The following CCSER1 variants were observed in gnomAD, a reference collection of about 807,000 sequenced individuals.
CCSER1 encodes the protein coiled-coil serine rich protein 1.
Under a neutral mutation model 82.0 loss-of-function variants are expected in CCSER1, and 41 were observed. The observed-to-expected ratio is 0.50, with a 90% CI of 0.39 to 0.65. CCSER1 has a LOEUF of 0.65. Ranked by LOEUF, CCSER1 falls within the 30% of genes least tolerant of loss-of-function variation. The pLI is 0.00. For missense variants in CCSER1, 1,119 were observed against 1,064.2 expected, an observed-to-expected ratio of 1.05 and a Z score of -0.72; for synonymous variants, 414 against 383.9, an observed-to-expected ratio of 1.08 and a Z score of -0.92.
At chr4:91,361,363 G>A (rs1749230052) in intron 10 of CCSER1, among the ~76,000 whole-genome samples, 1 of 151,704 alleles carries the variant, frequency 6.6e-6, no homozygotes, top group African/African-American at 2.4e-5. Flanking sequence ...GCATGAGAAA[G>A]CAGAGAAAAA....
intron 1 of CCSER1, among the ~76,000 whole-genome samples, chr4:90,303,321 A>G (rs1733539935): frequency 6.6e-6 from 1 of 152,156 alleles, no homozygotes; most frequent in Admixed American, 6.5e-5. Flanking sequence ...ATATGGAACC[A>G]AAAAAGAGCC....
chr4:91,418,322 AT>A (rs1252976177), intron 10 of CCSER1, among the ~76,000 whole-genome samples: 2 of 150,152 alleles, frequency 1.3e-5, no homozygotes, highest in Non-Finnish European at 3.0e-5. Context: ...AAAAAACAAA[AT>A]TGACAAAACT....
At chr4:91,161,366 G>A (rs985000751) in intron 10 of CCSER1, among the ~76,000 whole-genome samples, 41 of 152,130 alleles carry the variant, frequency 2.7e-4, no homozygotes, top group Non-Finnish European at 5.1e-4. Flanking sequence ...TTTTTGCTTA[G>A]GGTTGTCTTG....
chr4:90,520,427 G>A (rs963732988), intron 5 of CCSER1, among the ~76,000 whole-genome samples: 16 of 152,162 alleles, frequency 1.1e-4, no homozygotes, highest in Admixed American at 3.3e-4. Context: ...GGATGTTAAT[G>A]TCATCAGAAC....
intron 9 of CCSER1, among the ~76,000 whole-genome samples, chr4:91,066,384 T>C (rs114800546): frequency 0.011 from 1,719 of 152,256 alleles, 33 homozygotes; most frequent in African/African-American, 0.04. Context: ...GCAGTAAACC[T>C]TGGGGATTCA....
At chr4:90,990,336 C>G (rs1736919864) in intron 9 of CCSER1, among the ~76,000 whole-genome samples, 1 of 151,872 alleles carries the variant, frequency 6.6e-6, no homozygotes, top group East Asian at 1.9e-4. Flanking sequence ...TATAGTAAAG[C>G]CATGTTCTTC....
At chr4:90,506,410 G>T (rs1367315145) in intron 5 of CCSER1, among the ~76,000 whole-genome samples, 1 of 152,086 alleles carries the variant, frequency 6.6e-6, no homozygotes, top group East Asian at 1.9e-4. Context: ...TCTTGTGGTT[G>T]GCTTGTATTT....
intron 10 of CCSER1, among the ~76,000 whole-genome samples, chr4:91,546,782 G>T (rs1002145697): frequency 6.6e-6 from 1 of 151,342 alleles, no homozygotes; most frequent in African/African-American, 2.4e-5. Flanking sequence ...GATTTAATTT[G>T]CCCTTCTTTT....
intron 10 of CCSER1, among the ~76,000 whole-genome samples, chr4:91,301,019 A>C (rs1434499893): frequency 6.6e-6 from 1 of 151,880 alleles, no homozygotes; most frequent in African/African-American, 2.4e-5. Flanking sequence ...GCTGAGAGGA[A>C]ATACTTTTAC....
Position 90,551,706 on chromosome 4 carries a change from C to CTATATA in CCSER1, c.1725-76303_1725-76298dup, listed in dbSNP as rs1553940962. ...TCTCTCTCTCTCTCTCTCTCTCTCTCTATATATATATATATATATATGTAA... is the reference window on the plus strand; with the variant it reads ...TCTCTCTCTCTCTCTCTCTCTCTCTCTATATATATATATATATATATATATATGTAA... On this transcript the variant is annotated intron_variant, in intron 5 of 10. Coordinates refer to ENST00000509176, the MANE Select transcript of CCSER1 (RefSeq NM_001145065.2). Among the ~76,000 whole-genome samples, 240 of 104,214 alleles carry CTATATA rather than the reference C, an allele frequency of 2.3e-3. 2 individuals are homozygous for CTATATA. Among genetic ancestry groups the CTATATA allele is most frequent in the Admixed American group, 3.1e-3 (29 of 9,368 alleles). The allele number at this position is 104,214 out of a possible 152,430, so 68.4% of individuals were successfully genotyped here.
At chr4:91,411,281 T>C (rs554055452) in intron 10 of CCSER1, among the ~76,000 whole-genome samples, 30 of 151,560 alleles carry the variant, frequency 2.0e-4, no homozygotes, top group African/African-American at 5.8e-4. Flanking sequence ...ATGGCTGTAC[T>C]AGAAGATTAC....
At chr4:91,296,761 C>T (rs1744215444) in intron 10 of CCSER1, among the ~76,000 whole-genome samples, 1 of 150,856 alleles carries the variant, frequency 6.6e-6, no homozygotes, top group Admixed American at 6.6e-5. Flanking sequence ...TTGTAAATCA[C>T]TGACAAGGTT....
At chr4:90,575,502 T>C (rs1447880895) in intron 5 of CCSER1, among the ~76,000 whole-genome samples, 2 of 152,162 alleles carry the variant, frequency 1.3e-5, no homozygotes, top group Non-Finnish European at 2.9e-5. Flanking sequence ...GGGGATTAAA[T>C]TTCCAACACA....
intron 3 of CCSER1, among the ~76,000 whole-genome samples, chr4:90,379,660 T>C (rs1748907984): frequency 6.6e-6 from 1 of 152,138 alleles, no homozygotes; most frequent in Non-Finnish European, 1.5e-5. Context: ...CTGAAATCTA[T>C]AAAATAAAGA....
At chr4:90,173,147 A>T (rs1732032252) in intron 1 of CCSER1, among the ~76,000 whole-genome samples, 1 of 151,844 alleles carries the variant, frequency 6.6e-6, no homozygotes, top group African/African-American at 2.4e-5. Flanking sequence ...GGATCACAGA[A>T]ATTAAGATAT....
At chr4:91,565,486 A>G (rs182640259) in intron 10 of CCSER1, among the ~76,000 whole-genome samples, 26 of 152,126 alleles carry the variant, frequency 1.7e-4, no homozygotes, top group Admixed American at 1.5e-3. Flanking sequence ...AAATTGATTT[A>G]GGCAGAAAAG....
intron 10 of CCSER1, among the ~76,000 whole-genome samples, chr4:91,494,321 A>T (rs556851869): frequency 1.3e-5 from 2 of 151,946 alleles, no homozygotes; most frequent in South Asian, 4.1e-4. Flanking sequence ...CATTTTATCT[A>T]TATTTTAAAT....
chr4:90,684,306 T>A (rs1029458566), intron 6 of CCSER1, among the ~76,000 whole-genome samples: 9 of 152,206 alleles, frequency 5.9e-5, no homozygotes, highest in African/African-American at 2.2e-4. Context: ...GATGTAATTA[T>A]CTTATTTCTA....
chr4:91,538,498 GCT>G (rs1700069353), intron 10 of CCSER1, among the ~76,000 whole-genome samples: 1 of 151,192 alleles, frequency 6.6e-6, no homozygotes, highest in Non-Finnish European at 1.5e-5. Flanking sequence ...AGTTGGAGAG[GCT>G]CTCTCTCAGG....
Sources: gnomAD v4.1 joint callset for allele counts (sites outside exome capture counted in the v4.1 genomes callset) on GRCh38, gnomAD v4.1.1 for gene constraint, MANE v1.5 for transcripts, NCBI Gene and HGNC (gene_info 2026-07-23, HGNC 2026-07-21) for gene names.